Variants in SENP5 observed in about 807,000 individuals in gnomAD.
The protein encoded by SENP5 is sentrin-specific protease 5.
Under a neutral mutation model 74.2 loss-of-function variants are expected in SENP5, and 21 were observed. The ratio of observed to expected loss-of-function variants is 0.28; its 90% CI spans 0.20 to 0.41. The LOEUF (loss-of-function observed/expected upper bound fraction) is 0.41, where lower values mean the gene tolerates loss of function less well. Among genes scored for constraint, SENP5 ranks in the 10% least tolerant of loss-of-function variants. The probability of loss-of-function intolerance (pLI) is 1.00; values close to 1 mark genes in which losing one functional copy is unlikely to be tolerated. For missense variants in SENP5, 717 were observed against 889.1 expected (o/e 0.81, Z 2.46); for synonymous variants, 311 against 312.7 (o/e 0.99, Z 0.06).
chr3:196,881,651 G>A (rs1403115801), intron 1 of SENP5, among the ~76,000 whole-genome samples: 1 of 151,028 alleles, frequency 6.6e-6, no homozygotes, highest in African/African-American at 2.4e-5. Flanking sequence ...TATATATTAG[G>A]GATATTAGGC....
chr3:196,896,739 A>C (rs756857683), intron 2 of SENP5, among the ~76,000 whole-genome samples: 1 of 152,110 alleles, frequency 6.6e-6, no homozygotes, highest in Non-Finnish European at 1.5e-5. Context: ...GAGCCACCGC[A>C]CCTGGCCCAG....
At chr3:196,910,184 A>C (rs939680137) in intron 6 of SENP5, among the ~76,000 whole-genome samples, 1 of 152,080 alleles carries the variant, frequency 6.6e-6, no homozygotes, top group Non-Finnish European at 1.5e-5. Context: ...CTAGGAATAC[A>C]GTTTATAAGG....
At position 196,929,704 on chromosome 3, in the gene SENP5, C is replaced by T. The variant is rs187799422; in HGVS notation, c.2157+21C>T. On this transcript the variant is annotated intron_variant, in intron 9 of 9. Coordinates refer to ENST00000323460, the MANE Select transcript of SENP5 (RefSeq NM_152699.5). ...TCCAGGTAAAGAAACACTTGCTTTT[C>T]GGAACTTACAATGTGTGAATTGAGT... 1.5e-3 allele frequency: 2,414 copies of T among 1,573,098 alleles called. 7 individuals carry two copies. The highest frequency in any genetic ancestry group is 2.0e-3 in the Non-Finnish European group (2,280 of 1,143,976).
chr3:196,898,650 C>G (rs1248768448), intron 2 of SENP5, among the ~76,000 whole-genome samples: 2 of 151,748 alleles, frequency 1.3e-5, no homozygotes, highest in Non-Finnish European at 2.9e-5. Flanking sequence ...TGTGGTGGCT[C>G]ACGCCTGTAA....
In SENP5 at chr3:196,886,309, C is replaced by A; in HGVS notation, c.1128C>A (p.Pro376=). ...GTACAGAGCTGATTCATGACATCCC[C>A]TTACCAGAACATCGTTCTAATACCA... The part of the protein sequence containing the change: ...WECTELIHDI[P]LPEHRSNTMF... Residue 376 remains proline (P), a synonymous_variant, in exon 2 of 10, where the codon CCC becomes CCA. Coordinates refer to ENST00000323460, the MANE Select transcript of SENP5 (RefSeq NM_152699.5). 1 of 1,614,114 alleles carries A rather than the reference C, an allele frequency of 6.2e-7. No homozygotes were observed. The highest frequency in any genetic ancestry group is 2.2e-5 in the East Asian group (1 of 44,880).
At chr3:196,927,995 G>A (rs1043834683) in intron 8 of SENP5, 116 bp downstream of exon 8, 2 of 616,980 alleles carry the variant, frequency 3.2e-6, no homozygotes, top group Non-Finnish European at 2.8e-6. Flanking sequence ...AGAGCCTGGA[G>A]GCTCCAGGGA....
At position 196,931,894 on chromosome 3, in the gene SENP5, T is replaced by C; in HGVS notation, c.*971T>C. The C allele has an allele frequency of 2.2e-6, 1 of 453,522 alleles. No homozygotes were observed. The allele number at this position is 453,522 out of a possible 1,614,324, so 28.1% of individuals were successfully genotyped here. On this transcript the variant is annotated 3_prime_UTR_variant, in exon 10 of 10. Transcript: ENST00000323460. ...TAAACATTCAAAACTGAAGGCTGAC[T>C]GACTTGAGATGTTTTGCAGGTGGCT...
rs1198251169 is a variant in SENP5, at chr3:196,903,500, A to C, written c.1807-33A>C. 2.1e-6 allele frequency: 3 copies of C among 1,434,816 alleles called. No individual in the cohort carries two copies. In the African/African-American group the frequency reaches 4.3e-5, roughly 20 times the overall value. 88.9% of individuals were successfully genotyped at this position (1,434,816 alleles called of 1,614,324 possible). On this transcript the variant is annotated intron_variant, in intron 5 of 9. Coordinates refer to ENST00000323460, the MANE Select transcript of SENP5 (RefSeq NM_152699.5). ...GTTAAATCTGGGCACAGCCTAATAT[A>C]ATCTGGTTGCTTGTGTTTGTTGTCT...
chr3:196,911,377 A>G (rs1715117848), intron 6 of SENP5, among the ~76,000 whole-genome samples: 1 of 152,124 alleles, frequency 6.6e-6, no homozygotes, highest in Non-Finnish European at 1.5e-5. Flanking sequence ...AAAATAAACC[A>G]TCAGAAAGTG....
At chr3:196,876,517 CAAAAAAA>C (rs11294142) in intron 1 of SENP5, among the ~76,000 whole-genome samples, 1 of 95,416 alleles carries the variant, frequency 1.0e-5, no homozygotes, top group Non-Finnish European at 2.3e-5. Flanking sequence ...GATTCTGTCT[CAAAAAAA>C]AAAAAAAAAA....
chr3:196,869,944 C>T (rs543352120), intron 1 of SENP5, among the ~76,000 whole-genome samples: 1 of 150,114 alleles, frequency 6.7e-6, no homozygotes, highest in Non-Finnish European at 1.5e-5. Flanking sequence ...TTGTCATAAA[C>T]CCAGTGCTCT....
intron 2 of SENP5, among the ~76,000 whole-genome samples, chr3:196,890,526 A>G (rs11720509): frequency 0.67 from 101,386 of 151,762 alleles, 34,813 homozygotes; most frequent in Non-Finnish European, 0.75. Flanking sequence ...CAAGGTGAAT[A>G]CTTTGCAATG....
At chr3:196,896,219 G>C (rs1577815191) in intron 2 of SENP5, among the ~76,000 whole-genome samples, 1 of 152,160 alleles carries the variant, frequency 6.6e-6, no homozygotes, top group Non-Finnish European at 1.5e-5. Context: ...TCTGTTTCTG[G>C]ATAGTTCTTG....
rs375470725 is a variant in SENP5, at chr3:196,899,697, C to G, written c.1545C>G (p.Gly515=). Reference sequence around the variant, plus strand: ...TAGATGAGGTTATGAAGAAGTATGGCAGTTTGGTTCCACTCAGTGAAAAAG... The same window carrying G: ...TAGATGAGGTTATGAAGAAGTATGGGAGTTTGGTTCCACTCAGTGAAAAAG... ...GFLDEVMKKY[G]SLVPLSEKEV... is the part of the protein sequence containing the mutation. The change falls in exon 3 of 10, where the codon GGC becomes GGG. Residue 515 remains glycine (G), a synonymous_variant. Transcript: ENST00000323460. The G allele has an allele frequency of 3.0e-5, 49 of 1,609,850 alleles. No individual in the cohort carries two copies. The highest frequency in any genetic ancestry group is 3.4e-6 in the Non-Finnish European group (4 of 1,176,558).
At chr3:196,925,959 T>C (rs1048894894) in intron 7 of SENP5, among the ~76,000 whole-genome samples, 7 of 152,286 alleles carry the variant, frequency 4.6e-5, no homozygotes, top group East Asian at 1.9e-4. Flanking sequence ...TAAGAGGATG[T>C]AGGGGTTGTA....
chr3:196,899,091 A>G (rs1714589212), intron 2 of SENP5, among the ~76,000 whole-genome samples: 1 of 151,992 alleles, frequency 6.6e-6, no homozygotes, highest in African/African-American at 2.4e-5. Context: ...AAAAAAAAAA[A>G]AAAAAGTGCC....
At chr3:196,901,045 T>C (rs1714682115) in intron 5 of SENP5, among the ~76,000 whole-genome samples, 5 of 139,312 alleles carry the variant, frequency 3.6e-5, no homozygotes, top group Non-Finnish European at 6.3e-5. Context: ...ATGTATTTAT[T>C]TTACTTTTTT....
chr3:196,886,012 G>A lies in SENP5; in HGVS notation c.831G>A (p.Glu277=). The A allele has an allele frequency of 6.2e-7, 1 of 1,614,152 alleles. No individual in the cohort carries two copies. ...AGAAAGTCACTGGGGACCATCAAGA[G>A]ACCCGTAGGGAGAACGGTGAGGGTG... ...WVQKVTGDHQ[E]TRRENGEGGS... The change falls in exon 2 of 10, where the codon GAG becomes GAA. Residue 277 remains glutamate, a synonymous_variant. Coordinates refer to ENST00000323460, the MANE Select transcript of SENP5 (RefSeq NM_152699.5).
chr3:196,901,388 T>TA (rs1051045708), intron 5 of SENP5, among the ~76,000 whole-genome samples: 63 of 151,570 alleles, frequency 4.2e-4, no homozygotes, highest in African/African-American at 1.1e-3. Context: ...TTTAAAAATG[T>TA]AAAAAAAAAC....
Sources: allele counts gnomAD v4.1 joint callset (sites outside exome capture counted in the v4.1 genomes callset), GRCh38; gene constraint gnomAD v4.1.1; transcripts MANE v1.5; gene names NCBI Gene and HGNC (gene_info 2026-07-23, HGNC 2026-07-21).